The following TARBP1 variants were observed in gnomAD, a reference collection of about 807,000 sequenced individuals.
TARBP1 encodes the protein tRNA (guanosine(18)-2'-O)-methyltransferase TARBP1.
TARBP1 carries 144 observed loss-of-function variants against 178.6 expected under a neutral mutation model. The observed-to-expected ratio is 0.81, with a 90% confidence interval of 0.70 to 0.93. The LOEUF is 0.93. Ranked by LOEUF, TARBP1 falls within the 40% of genes least tolerant of loss-of-function variation. TARBP1 has a pLI of 0.00. For synonymous variants in TARBP1, 787 were observed against 781.0 expected (o/e 1.01, Z -0.13); for missense variants, 2,067 against 2,011.7 (o/e 1.03, Z -0.53).
At chr1:234,433,974 C>T (rs1251057693) in intron 13 of TARBP1, among the ~76,000 whole-genome samples, 1 of 152,192 alleles carries the variant, frequency 6.6e-6, no homozygotes, top group Non-Finnish European at 1.5e-5. Flanking sequence ...AGATCACTGT[C>T]CCACTTTCAT....
Position 234,405,892 on chromosome 1 carries a change from G to C in TARBP1, c.3989+11C>G, listed in dbSNP as rs771583909. 6.2e-7 allele frequency: 1 copy of C among 1,611,298 alleles called. No individual in the cohort carries two copies. Among genetic ancestry groups the C allele is most frequent in the Non-Finnish European group, 8.5e-7 (1 of 1,178,218 alleles). On this transcript the variant is annotated intron_variant, in intron 24 of 29. Transcript: ENST00000040877. The stretch of plus-strand genomic sequence containing the variant: ...AGAGTGAGGGCGATGAGGTTGACGA[G>C]GGCTCCTTACCCTGCTCCGTGCATG...
chr1:234,476,699 T>C (rs984145403), intron 1 of TARBP1, among the ~76,000 whole-genome samples: 49 of 152,244 alleles, frequency 3.2e-4, no homozygotes, highest in Non-Finnish European at 4.4e-4. Flanking sequence ...CATAATTTTA[T>C]AAATGCTGAA....
At chr1:234,392,713 CTT>C (rs373165088) in intron 28 of TARBP1, 161 bp from the exon 29 acceptor site, 6,294 of 334,512 alleles carry the variant, frequency 0.019, no homozygotes, top group South Asian at 0.034. Flanking sequence ...ACATCAATTT[CTT>C]TTTTTTTTTT....
rs569527743 is a variant in TARBP1, at chr1:234,391,354, T to G, written c.*223A>C. On this transcript the variant is annotated 3_prime_UTR_variant, in exon 30 of 30. Transcript: ENST00000040877. ...CCATTGTTTTATTTCCACAATTGCT[T>G]AAAATATTTTATTAAAGGAAGAATA... is the stretch of plus-strand genomic sequence containing the variant. The G allele has an allele frequency of 2.4e-6, 1 of 409,836 alleles. No homozygotes were observed. The highest frequency in any genetic ancestry group is 4.1e-5 in the Admixed American group (1 of 24,204). 25.4% of individuals were successfully genotyped at this position (409,836 alleles called of 1,614,324 possible). A position where few individuals can be genotyped will look rare whatever the true frequency, so the allele number is the denominator to read the frequency against.
rs200211800 is a variant in TARBP1, at chr1:234,463,811, T to TA, written c.1399+25dup. 1.0e-3 allele frequency: 1,421 copies of TA among 1,407,314 alleles called. 9 individuals carry two copies. In the African/African-American group the frequency reaches 0.013, roughly 13 times the overall value. 87.2% of individuals were successfully genotyped at this position (1,407,314 alleles called of 1,614,324 possible). A position where few individuals can be genotyped will look rare whatever the true frequency, so the allele number is the denominator to read the frequency against. ...AAGAAACTGTAAGCTAAAGCATTTT[T>TA]AAAAAAACCCTTTACTGACACATAC... is the stretch of plus-strand genomic sequence containing the variant. On this transcript the variant is annotated intron_variant, in intron 6 of 29. Coordinates refer to ENST00000040877, the MANE Select transcript of TARBP1 (RefSeq NM_005646.4).
intron 24 of TARBP1, among the ~76,000 whole-genome samples, chr1:234,401,768 A>T (rs1269920611): frequency 1.3e-5 from 2 of 152,174 alleles, no homozygotes; most frequent in Non-Finnish European, 2.9e-5. Context: ...TTTTTCTGGC[A>T]AGATCACGCT....
At position 234,478,920 on chromosome 1, in the gene TARBP1, G is replaced by C. The variant is rs1199367357; in HGVS notation, c.184C>G (p.Arg62Gly). ...ACGAGGTACCCTGCAGCCACCTCGCGCGCCGCCTCCGGGAGCGCGCCTGCG... is the reference window on the plus strand; with the variant it reads ...ACGAGGTACCCTGCAGCCACCTCGCCCGCCGCCTCCGGGAGCGCGCCTGCG... ...GGAGALPEAA[R>G]EVAAGYLVPL... The change falls in exon 1 of 30, where the codon CGC becomes GGC. Residue 62 changes from arginine (R) to glycine (G), a missense_variant. Transcript: ENST00000040877. 1 of 1,427,946 alleles carries C rather than the reference G, an allele frequency of 7.0e-7. No homozygotes were observed. The highest frequency in any genetic ancestry group is 1.5e-5 in the African/African-American group (1 of 66,376). 88.5% of individuals were successfully genotyped at this position (1,427,946 alleles called of 1,614,324 possible).
chr1:234,405,539 G>A (rs1340042920), intron 24 of TARBP1: 2 of 192,924 alleles, frequency 1.0e-5, no homozygotes, highest in East Asian at 1.2e-4. Context: ...AACTAGTATA[G>A]CTGAGAGATT....
At chr1:234,402,691 C>T (rs547357129) in intron 24 of TARBP1, among the ~76,000 whole-genome samples, 8 of 152,208 alleles carry the variant, frequency 5.3e-5, no homozygotes, top group Admixed American at 1.3e-4. Flanking sequence ...TCTCTCACCT[C>T]AGCCTCCCGA....
chr1:234,465,053 TGGATGGATGGATGAAC>T (rs1668286199), intron 5 of TARBP1, among the ~76,000 whole-genome samples: 2 of 145,628 alleles, frequency 1.4e-5, no homozygotes, highest in East Asian at 2.4e-4. Flanking sequence ...GTTCTTAATA[TGGATGGATGGATGAAC>T]GGATGGATGG....
At chr1:234,400,085 T>A (rs953821542) in intron 25 of TARBP1, among the ~76,000 whole-genome samples, 5 of 151,324 alleles carry the variant, frequency 3.3e-5, no homozygotes, top group African/African-American at 1.2e-4. Flanking sequence ...AGAGATACAG[T>A]TCCTATGAAC....
intron 18 of TARBP1, 73 bp from the exon 19 acceptor site, chr1:234,427,461 G>A: frequency 1.4e-6 from 2 of 1,456,252 alleles, no homozygotes; most frequent in Admixed American, 2.3e-5. Context: ...CAAGGTTAAA[G>A]TTAACTAATA....
intron 2 of TARBP1, 22 bp downstream of exon 2, chr1:234,472,692 G>T: frequency 1.3e-6 from 2 of 1,511,384 alleles, no homozygotes; most frequent in Non-Finnish European, 9.0e-7. Flanking sequence ...TGTAGGATTT[G>T]CTAAAATAGA....
At chr1:234,424,780 G>A (rs1036641071) in intron 20 of TARBP1, among the ~76,000 whole-genome samples, 3 of 152,000 alleles carry the variant, frequency 2.0e-5, no homozygotes, top group Non-Finnish European at 2.9e-5. Flanking sequence ...ACAAAAATTA[G>A]GCCAGGCACA....
chr1:234,393,730 G>GA lies in TARBP1; in HGVS notation c.4350dup (p.Gln1451SerfsTer12), dbSNP rs1659642081. ...TTTCCAAGTCTGGCAGCACGATCCT[G>GA]AAACAGGAGCTCCAGGTCTAAGTCG... On this transcript the variant is annotated frameshift_variant, in exon 27 of 30. Coordinates refer to ENST00000040877, the MANE Select transcript of TARBP1 (RefSeq NM_005646.4). LOFTEE classifies it high-confidence loss of function. 6.2e-7 allele frequency: 1 copy of GA among 1,613,868 alleles called. No individual in the cohort carries two copies.
intron 14 of TARBP1, 72 bp downstream of exon 14, chr1:234,433,338 A>C: frequency 6.9e-7 from 1 of 1,457,878 alleles, no homozygotes; most frequent in Non-Finnish European, 9.4e-7. Context: ...AAAATAGTGT[A>C]TAAGAACTGA....
chr1:234,474,757 A>G lies in TARBP1; in HGVS notation c.932-1946T>C, dbSNP rs532878613. Among the ~76,000 whole-genome samples the G allele has an allele frequency of 9.2e-5, 14 of 152,320 alleles. No homozygotes were observed. In the South Asian group the frequency reaches 2.9e-3, roughly 32 times the overall value. Reference sequence around the variant, plus strand: ...AACCATCAATGAAATATGAGGACAAAATAAAGGCATTTAGATATGTATCGT... The same window carrying G: ...AACCATCAATGAAATATGAGGACAAGATAAAGGCATTTAGATATGTATCGT... On this transcript the variant is annotated intron_variant, in intron 1 of 29. Transcript: ENST00000040877.
chr1:234,437,503 T>C, intron 12 of TARBP1, 131 bp from the exon 13 acceptor site: 2 of 504,838 alleles, frequency 4.0e-6, no homozygotes, highest in Non-Finnish European at 7.2e-6. Flanking sequence ...TGCAATAATA[T>C]AATAATCATT....
At chr1:234,415,724 C>T (rs1053611772) in intron 22 of TARBP1, among the ~76,000 whole-genome samples, 6 of 152,156 alleles carry the variant, frequency 3.9e-5, no homozygotes, top group African/African-American at 1.4e-4. Context: ...ATACAGCTGG[C>T]TATAGCAAAG....
Sources: allele counts gnomAD v4.1 joint callset (sites outside exome capture counted in the v4.1 genomes callset), GRCh38; gene constraint gnomAD v4.1.1; transcripts MANE v1.5; gene names NCBI Gene and HGNC (gene_info 2026-07-23, HGNC 2026-07-21).